The following PCM1 variants were observed in gnomAD, a reference collection of about 807,000 sequenced individuals.
PCM1 encodes the protein pericentriolar material 1 protein.
Under a neutral mutation model 241.9 loss-of-function variants are expected in PCM1, and 157 were observed. The ratio of observed to expected loss-of-function variants is 0.65; its 90% CI spans 0.57 to 0.74. The LOEUF is 0.74. PCM1 is among the 30% of genes least tolerant of loss of function. The pLI, the probability that PCM1 is intolerant of heterozygous loss-of-function variation, is 0.00. For missense variants in PCM1, 3,478 were observed against 2,360.1 expected (o/e 1.47, Z -9.81); for synonymous variants, 1,085 against 784.9 (o/e 1.38, Z -6.39).
At chr8:17,976,922 C>G (rs2078980314) in intron 23 of PCM1, among the ~76,000 whole-genome samples, 2 of 150,466 alleles carry the variant, frequency 1.3e-5, no homozygotes, top group African/African-American at 4.9e-5. Flanking sequence ...TACTTCTCTT[C>G]ACAGTTTCAG....
In PCM1 at chr8:17,963,107, T is replaced by A; in HGVS notation, c.2470T>A (p.Ser824Thr). 6.2e-7 allele frequency: 1 copy of A among 1,604,882 alleles called. No homozygotes were observed. Among genetic ancestry groups the A allele is most frequent in the Non-Finnish European group, 8.5e-7 (1 of 1,175,338 alleles). ...GGTTTCTTAAAAAAAATAGTTGTGG[T>A]CAGAAATGAGAAGACATGAAATGTT... Reference protein sequence around the residue: ...DSSIVDNELWSEMRRHEMLRE... With the variant: ...DSSIVDNELWTEMRRHEMLRE... Residue 824 changes from serine to threonine, a missense_variant, in exon 17 of 39, where the codon TCA becomes ACA. Physicochemically the swap from Ser to Thr is moderately conservative, Grantham distance 58. Transcript: ENST00000325083.
At chr8:17,981,070 C>G (rs1213564246) in intron 24 of PCM1, among the ~76,000 whole-genome samples, 1 of 152,222 alleles carries the variant, frequency 6.6e-6, no homozygotes, top group Non-Finnish European at 1.5e-5. Context: ...TCTCCTGCTT[C>G]AATCCTTTGG....
chr8:18,020,071 A>T (rs2093635984), intron 36 of PCM1, among the ~76,000 whole-genome samples: 1 of 152,188 alleles, frequency 6.6e-6, no homozygotes, highest in African/African-American at 2.4e-5. Flanking sequence ...TGGGAAGATA[A>T]TTAGGAACAA....
chr8:17,978,979 G>T (rs913463267), intron 23 of PCM1, among the ~76,000 whole-genome samples: 1 of 151,940 alleles, frequency 6.6e-6, no homozygotes, highest in Non-Finnish European at 1.5e-5. Flanking sequence ...AGTAAAATGG[G>T]TATAAGAAGG....
chr8:17,959,343 C>A (rs967491669), intron 13 of PCM1, among the ~76,000 whole-genome samples: 1 of 7,520 alleles, frequency 1.3e-4, no homozygotes, highest in African/African-American at 1.2e-3. Context: ...ACACACAGTA[C>A]ATAGTTATTT....
At chr8:17,924,112 C>T (rs118185817) in intron 1 of PCM1, among the ~76,000 whole-genome samples, 2,627 of 152,226 alleles carry the variant, frequency 0.017, 39 homozygotes, top group South Asian at 0.044. Flanking sequence ...CACCCCCGCC[C>T]CATAACCGCT....
chr8:17,956,407 A>G (rs1405984501), intron 10 of PCM1, among the ~76,000 whole-genome samples, 197 bp from the exon 11 acceptor site: 4 of 152,214 alleles, frequency 2.6e-5, no homozygotes, highest in African/African-American at 9.6e-5. Context: ...GCATAAGAAA[A>G]TAATGTGAGA....
chr8:18,006,748 T>C (rs1422099594), intron 30 of PCM1, among the ~76,000 whole-genome samples: 1 of 152,202 alleles, frequency 6.6e-6, no homozygotes, highest in African/African-American at 2.4e-5. Context: ...ATTTGACTAA[T>C]CAGGGAAATT....
chr8:17,993,023 T>G (rs1045175434), intron 28 of PCM1, among the ~76,000 whole-genome samples: 5 of 151,340 alleles, frequency 3.3e-5, no homozygotes, highest in African/African-American at 1.2e-4. Flanking sequence ...TTACAAAGAC[T>G]TTCTCACACT....
At chr8:17,935,467 G>A in intron 2 of PCM1, 122 bp from the exon 3 acceptor site, 1 of 590,376 alleles carries the variant, frequency 1.7e-6, no homozygotes, top group East Asian at 2.8e-5. Context: ...GGTTGACAGT[G>A]CCTCATTTTA....
chr8:17,975,388 C>T (rs909590588), intron 23 of PCM1, among the ~76,000 whole-genome samples: 2 of 152,046 alleles, frequency 1.3e-5, no homozygotes, highest in African/African-American at 4.8e-5. Flanking sequence ...GTCTTGAACT[C>T]CCGATCTCAG....
Position 18,025,535 on chromosome 8 carries a change from A to T in PCM1, c.5935-9A>T, listed in dbSNP as rs1588856098. 4.5e-6 allele frequency: 7 copies of T among 1,555,640 alleles called. No individual in the cohort carries two copies. The East Asian group carries it at 1.6e-4, about 35-fold the overall frequency. On this transcript the variant is annotated splice_polypyrimidine_tract_variant and intron_variant, in intron 37 of 38. Coordinates refer to ENST00000325083, the MANE Select transcript of PCM1 (RefSeq NM_006197.4). ...AAAATGATTTGTATTTTTAATTTTCATTCCAAAGGCAGATCTAAGAAAGAA... is the reference window on the plus strand; with the variant it reads ...AAAATGATTTGTATTTTTAATTTTCTTTCCAAAGGCAGATCTAAGAAAGAA...
intron 2 of PCM1, 27 bp from the exon 3 acceptor site, chr8:17,935,562 A>C: frequency 1.3e-6 from 1 of 791,444 alleles, no homozygotes; most frequent in Non-Finnish European, 2.2e-6. Context: ...ATGTGTTATA[A>C]AGCTCAGTTC....
intron 2 of PCM1, 89 bp downstream of exon 2, chr8:17,924,869 G>C (rs1307153188): frequency 1.3e-5 from 2 of 152,206 alleles, no homozygotes; most frequent in African/African-American, 4.8e-5. Flanking sequence ...TACAGTGCAT[G>C]ACTGAGGATC....
rs575509894 is a variant in PCM1, at chr8:17,949,229, A to T, written c.962-1386A>T. Among the ~76,000 whole-genome samples, 4 of 152,292 alleles carry T rather than the reference A, an allele frequency of 2.6e-5. No individual in the cohort carries two copies. In the South Asian group the frequency reaches 8.3e-4, roughly 32 times the overall value. On this transcript the variant is annotated intron_variant, in intron 7 of 38. Transcript: ENST00000325083. ...TATGAGATTTTGCAGGGGCATGCTAATGAAAAGCCATGGAAAGCTACAATT... is the reference window on the plus strand; with the variant it reads ...TATGAGATTTTGCAGGGGCATGCTATTGAAAAGCCATGGAAAGCTACAATT...
intron 4 of PCM1, 91 bp downstream of exon 4, chr8:17,937,470 T>A (rs1490671792): frequency 8.3e-7 from 1 of 1,204,462 alleles, no homozygotes; most frequent in African/African-American, 1.6e-5. Flanking sequence ...AAAATTGAGC[T>A]GTTTATGTAA....
At chr8:17,924,422 A>T (rs767970035) in intron 1 of PCM1, among the ~76,000 whole-genome samples, 6 of 152,232 alleles carry the variant, frequency 3.9e-5, no homozygotes, top group Non-Finnish European at 8.8e-5. Context: ...TTTGGCATAG[A>T]CTATTAAAGG....
chr8:17,927,159 CT>C (rs1359958164), intron 2 of PCM1: 1 of 134,136 alleles, frequency 7.5e-6, no homozygotes, highest in Non-Finnish European at 1.6e-5. Flanking sequence ...CAGAGTCTTG[CT>C]CTGTTGTCCA....
At chr8:17,981,210 G>A (rs2080657890) in intron 24 of PCM1, among the ~76,000 whole-genome samples, 1 of 152,058 alleles carries the variant, frequency 6.6e-6, no homozygotes, top group African/African-American at 2.4e-5. Context: ...TTCTTTCTGT[G>A]GCACTGAACT....
Sources: gnomAD v4.1 joint callset for allele counts (sites outside exome capture counted in the v4.1 genomes callset) on GRCh38, gnomAD v4.1.1 for gene constraint, MANE v1.5 for transcripts, NCBI Gene and HGNC (gene_info 2026-07-23, HGNC 2026-07-21) for gene names.